GCNT1: variants seen among roughly 807,000 people sequenced by gnomAD.
The protein encoded by GCNT1 is glucosaminyl (N-acetyl) transferase 1.
In GCNT1, 16 loss-of-function variants were observed where a neutral mutation model predicts 26.2. That is an observed-to-expected ratio of 0.61 (90% CI 0.41 to 0.93). The LOEUF is 0.93. Among genes scored for constraint, GCNT1 ranks in the 40% least tolerant of loss-of-function variants. The pLI, the probability that GCNT1 is intolerant of heterozygous loss-of-function variation, is 0.00. For synonymous variants in GCNT1, 183 were observed against 190.8 expected (o/e 0.96, Z 0.34); for missense variants, 477 against 526.7 (o/e 0.91, Z 0.92).
chr9:76,466,979 A>G (rs1187980104), intron 2 of GCNT1, among the ~76,000 whole-genome samples: 1 of 152,064 alleles, frequency 6.6e-6, no homozygotes, highest in Admixed American at 6.5e-5. Flanking sequence ...CACTTTTTCT[A>G]CAAATTGCTT....
chr9:76,433,186 G>A (rs1823360869), intron 1 of GCNT1, among the ~76,000 whole-genome samples: 2 of 152,192 alleles, frequency 1.3e-5, no homozygotes, highest in African/African-American at 2.4e-5. Flanking sequence ...CCCTCCGAAT[G>A]CAGGTACAAA....
intron 1 of GCNT1, among the ~76,000 whole-genome samples, chr9:76,429,407 T>C (rs1361544619): frequency 6.6e-6 from 1 of 152,230 alleles, no homozygotes; most frequent in Non-Finnish European, 1.5e-5. Flanking sequence ...AGTGGTTGTA[T>C]CAATTTATAC....
At chr9:76,465,183 G>A (rs1286944847) in intron 2 of GCNT1, among the ~76,000 whole-genome samples, 2 of 145,706 alleles carry the variant, frequency 1.4e-5, no homozygotes, top group African/African-American at 5.1e-5. Flanking sequence ...TTTTTTAGAC[G>A]GAGCCTTGCT....
chr9:76,418,675 C>G (rs569862620), upstream of GCNT1, among the ~76,000 whole-genome samples: 1 of 152,168 alleles, frequency 6.6e-6, no homozygotes, highest in Non-Finnish European at 1.5e-5. Context: ...CTTACATACT[C>G]TTGTTCACAG....
the GCNT1 span, among the ~76,000 whole-genome samples, chr9:76,413,398 C>A: frequency 2.6e-5 from 4 of 152,156 alleles, no homozygotes; most frequent in Non-Finnish European, 4.4e-5. Flanking sequence ...TATTCACAAC[C>A]AAATCTCCTG....
In GCNT1 at chr9:76,503,417, G is replaced by A. The variant is rs150474918; in HGVS notation, c.1036G>A (p.Asp346Asn). The change falls in exon 4 of 4, where the codon GAC becomes AAC. Residue 346 changes from aspartate (D) to asparagine (N), a missense_variant. Transcript: ENST00000376730. The part of the protein sequence containing the change: ...LPASHKYDLS[D>N]MQAVARFVKW... ...TGCCAGCCATAAGTATGATCTGTCT[G>A]ACATGCAAGCAGTTGCCAGGTTTGT... The A allele has an allele frequency of 6.8e-6, 11 of 1,614,024 alleles. No individual in the cohort carries two copies. The highest frequency in any genetic ancestry group is 9.3e-6 in the Non-Finnish European group (11 of 1,180,012).
At chr9:76,406,578 G>A in the GCNT1 span, among the ~76,000 whole-genome samples, 1 of 151,846 alleles carries the variant, frequency 6.6e-6, no homozygotes, top group Non-Finnish European at 1.5e-5. Flanking sequence ...GCGTGCACCT[G>A]TAGTCCCAGC....
At chr9:76,443,784 A>C (rs1174626278) in intron 1 of GCNT1, among the ~76,000 whole-genome samples, 1 of 152,000 alleles carries the variant, frequency 6.6e-6, no homozygotes, top group East Asian at 1.9e-4. Flanking sequence ...GGGAGGCTGA[A>C]GCAGGAGAAT....
At chr9:76,410,849 C>A in the GCNT1 span, among the ~76,000 whole-genome samples, 1 of 152,084 alleles carries the variant, frequency 6.6e-6, no homozygotes, top group Non-Finnish European at 1.5e-5. Flanking sequence ...CAGTTTTTGC[C>A]CCACATATTT....
At chr9:76,448,666 AGATTAG>A (rs149291090) in intron 1 of GCNT1, among the ~76,000 whole-genome samples, 5,259 of 152,252 alleles carry the variant, frequency 0.035, 114 homozygotes, top group Middle Eastern at 0.061. Flanking sequence ...CTGTCACTAT[AGATTAG>A]ATTTGCCTCT....
Position 76,503,083 on chromosome 9 carries a change from G to A in GCNT1, c.702G>A (p.Lys234=), listed in dbSNP as rs1825129426. ...KTNLEIVRKL[K]LLMGENNLET... ...ACCTAGAAATTGTCAGGAAGCTCAA[G>A]TTGTTAATGGGAGAAAACAACCTGG... The change falls in exon 4 of 4, where the codon AAG becomes AAA. Residue 234 remains lysine, a synonymous_variant. Transcript: ENST00000376730. 2 of 1,614,130 alleles carry A rather than the reference G, an allele frequency of 1.2e-6. No individual in the cohort carries two copies. Among genetic ancestry groups the A allele is most frequent in the Non-Finnish European group, 1.7e-6 (2 of 1,180,008 alleles).
the GCNT1 span, among the ~76,000 whole-genome samples, chr9:76,406,127 A>G: frequency 6.6e-6 from 1 of 152,188 alleles, no homozygotes; most frequent in African/African-American, 2.4e-5. Context: ...CTGATGACAT[A>G]TGATGTGGAA....
At chr9:76,454,386 G>GAAAAAAAAAAAA, upstream of GCNT1, among the ~76,000 whole-genome samples, 1 of 39,620 alleles carries the variant, frequency 2.5e-5, no homozygotes, top group Non-Finnish European at 5.0e-5. Context: ...TCTCAGAAAA[G>GAAAAAAAAAAAA]AAAAAAAAAA....
intron 2 of GCNT1, among the ~76,000 whole-genome samples, chr9:76,473,897 A>C (rs755602348): frequency 2.0e-5 from 3 of 152,166 alleles, no homozygotes; most frequent in Non-Finnish European, 4.4e-5. Flanking sequence ...CCAGGAGTTC[A>C]AGACCAGCCT....
At chr9:76,401,416 C>T in the GCNT1 span, among the ~76,000 whole-genome samples, 4 of 152,162 alleles carry the variant, frequency 2.6e-5, no homozygotes, top group East Asian at 5.8e-4. Context: ...CAGGTGTACA[C>T]CACCATGCCA....
At chr9:76,399,847 G>A in the GCNT1 span, among the ~76,000 whole-genome samples, 1 of 152,082 alleles carries the variant, frequency 6.6e-6, no homozygotes, top group Admixed American at 6.6e-5. Context: ...TTCAATAGGT[G>A]GGATAAACAA....
At chr9:76,401,472 A>G in the GCNT1 span, among the ~76,000 whole-genome samples, 4 of 152,188 alleles carry the variant, frequency 2.6e-5, no homozygotes, top group Non-Finnish European at 5.9e-5. Context: ...TTGTGGTTCA[A>G]ACTCATAAAA....
chr9:76,409,322 G>T, the GCNT1 span, among the ~76,000 whole-genome samples: 1 of 152,132 alleles, frequency 6.6e-6, no homozygotes, highest in Admixed American at 6.5e-5. Flanking sequence ...ATTAAGTTGT[G>T]TGTGTGTCTC....
intron 1 of GCNT1, among the ~76,000 whole-genome samples, chr9:76,428,302 A>AG (rs1564220619): frequency 1.2e-4 from 18 of 149,434 alleles, no homozygotes; most frequent in African/African-American, 2.0e-4. Flanking sequence ...TAAAAAAAAA[A>AG]AGAGAGAGAG....
Sources: allele counts gnomAD v4.1 joint callset (sites outside exome capture counted in the v4.1 genomes callset), GRCh38; gene constraint gnomAD v4.1.1; transcripts MANE v1.5; gene names NCBI Gene and HGNC (gene_info 2026-07-23, HGNC 2026-07-21).